TCOF1: variants seen among roughly 807,000 people sequenced by gnomAD.
The protein encoded by TCOF1 is treacle ribosome biogenesis factor 1.
A neutral mutation model predicts 149.0 loss-of-function variants in TCOF1; 33 were observed. The ratio of observed to expected loss-of-function variants is 0.22; its 90% CI spans 0.17 to 0.30. The LOEUF is 0.30. Ranked by LOEUF, TCOF1 falls within the 10% of genes least tolerant of loss-of-function variation. The pLI is 1.00. For synonymous variants in TCOF1, 789 were observed against 738.8 expected, an observed-to-expected ratio of 1.07 and a Z score of -1.10; for missense variants, 1,728 against 1,840.7, an observed-to-expected ratio of 0.94 and a Z score of 1.12.
At chr5:150,363,125 T>C (rs185779839) in intron 2 of TCOF1, among the ~76,000 whole-genome samples, 9 of 152,308 alleles carry the variant, frequency 5.9e-5, no homozygotes, top group African/African-American at 9.6e-5. Context: ...TGCACCCGCC[T>C]CAGTATTTAT....
chr5:150,384,536 G>C, intron 17 of TCOF1: 1 of 985,484 alleles, frequency 1.0e-6, no homozygotes, highest in Non-Finnish European at 1.2e-6. Context: ...GAGGCCACCT[G>C]CCTCTCTGAG....
rs750197757 is a variant in TCOF1 at position 150,375,908 on chromosome 5, A to G, written c.1892A>G (p.Gln631Arg). 9 of 1,613,952 alleles carry G rather than the reference A, an allele frequency of 5.6e-6. No homozygotes were observed. The highest frequency in any genetic ancestry group is 6.8e-6 in the Non-Finnish European group (8 of 1,179,788). Residue 631 changes from glutamine to arginine, a missense_variant and splice_region_variant, in exon 12 of 27, where the codon CAG becomes CGG. By Grantham distance (43) the Gln-to-Arg change is conservative. Transcript: ENST00000643257. ...GCACCAGCAGCCATGACTGCAGCTC[A>G]GGTGAGGCCTGGGGAAGGAGGCTGC... ...EEAPAAMTAA[Q>R]AKPALKIPQT...
intron 1 of TCOF1, among the ~76,000 whole-genome samples, chr5:150,360,732 CTTTTTT>C (rs869238792): frequency 2.4e-5 from 3 of 127,406 alleles, no homozygotes; most frequent in Admixed American, 1.6e-4. Flanking sequence ...AAAAGACCCT[CTTTTTT>C]TTTTTTTTTT....
intron 22 of TCOF1, 152 bp from the exon 23 acceptor site, chr5:150,393,220 C>A: frequency 1.2e-6 from 1 of 863,108 alleles, no homozygotes; most frequent in Non-Finnish European, 1.9e-6. Flanking sequence ...TGAAGTGCTG[C>A]TCTGTGCCTT....
At chr5:150,374,121 C>T (rs573840047) in intron 7 of TCOF1, 53 bp from the exon 8 acceptor site, 2 of 1,564,618 alleles carry the variant, frequency 1.3e-6, no homozygotes, top group East Asian at 4.7e-5. Flanking sequence ...CTAAAGGCAT[C>T]ACCAGAGAGT....
At chr5:150,359,331 G>A (rs61292422) in intron 1 of TCOF1, among the ~76,000 whole-genome samples, 2,942 of 151,660 alleles carry the variant, frequency 0.019, 102 homozygotes, top group African/African-American at 0.068. Flanking sequence ...TGGGTGACAA[G>A]GCGAGACTCC....
Position 150,375,840 on chromosome 5 carries a change from G to C in TCOF1, c.1824G>C (p.Ser608=), listed in dbSNP as rs761705007. The C allele has an allele frequency of 1.9e-6, 3 of 1,614,192 alleles. No individual in the cohort carries two copies. The highest frequency in any genetic ancestry group is 1.7e-6 in the Non-Finnish European group (2 of 1,180,040). ...QVKAEKPMDN[S]ESSEESSDSA... The stretch of plus-strand genomic sequence containing the variant: ...AGGCTGAAAAGCCCATGGACAACTC[G>C]GAGAGCAGCGAGGAGTCATCGGACA... The change falls in exon 12 of 27, where the codon TCG becomes TCC. Residue 608 remains serine, a synonymous_variant. Coordinates refer to ENST00000643257, the MANE Select transcript of TCOF1 (RefSeq NM_001371623.1).
chr5:150,393,096 T>C (rs1459016606), intron 22 of TCOF1: 1 of 589,882 alleles, frequency 1.7e-6, no homozygotes, highest in Non-Finnish European at 3.0e-6. Context: ...TTACTATCTG[T>C]ATGTGGCAAA....
chr5:150,362,771 A>T (rs1248619674), intron 2 of TCOF1, among the ~76,000 whole-genome samples: 2 of 152,116 alleles, frequency 1.3e-5, no homozygotes, highest in Non-Finnish European at 2.9e-5. Flanking sequence ...CCTCACCCTG[A>T]CTTGCCCAGG....
intron 1 of TCOF1, among the ~76,000 whole-genome samples, chr5:150,360,428 C>G (rs2150387453): frequency 6.6e-6 from 1 of 152,328 alleles, no homozygotes. Context: ...GTGGTCATGC[C>G]ACCTGGATGC....
intron 19 of TCOF1, among the ~76,000 whole-genome samples, chr5:150,390,796 C>T (rs943962652): frequency 6.6e-6 from 1 of 152,138 alleles, no homozygotes; most frequent in South Asian, 2.1e-4. Flanking sequence ...CCATGAGCAT[C>T]GGTTCCTGCC....
chr5:150,358,891 T>TA (rs1759323476), intron 1 of TCOF1, among the ~76,000 whole-genome samples: 1 of 151,502 alleles, frequency 6.6e-6, no homozygotes, highest in African/African-American at 2.4e-5. Context: ...AGCTGAGGTG[T>TA]AAATGCCTTG....
intron 2 of TCOF1, 150 bp from the exon 3 acceptor site, chr5:150,363,963 A>C (rs1760727782): frequency 9.1e-7 from 1 of 1,101,498 alleles, no homozygotes; most frequent in African/African-American, 1.6e-5. Context: ...GCAGAATACA[A>C]AATTGTGCCT....
chr5:150,392,509 A>G (rs2151045008), intron 21 of TCOF1, 196 bp from the exon 22 acceptor site: 1 of 626,924 alleles, frequency 1.6e-6, no homozygotes, highest in Non-Finnish European at 2.8e-6. Context: ...TTGGCATTCA[A>G]ATGTCGCACC....
intron 19 of TCOF1, among the ~76,000 whole-genome samples, chr5:150,391,229 CA>C (rs1233447018): frequency 6.6e-6 from 1 of 152,318 alleles, no homozygotes; most frequent in East Asian, 1.9e-4. Context: ...CCATGCCCAC[CA>C]CTCTCCCTGA....
At position 150,396,602 on chromosome 5, in the gene TCOF1, G is replaced by C. The variant is rs527245067; in HGVS notation, c.4105G>C (p.Gly1369Arg). ...CAGGAGCAAGAAGAAGAAGAAGCTG[G>C]GGGCCGGGGAAGGTGGGGAGGCCTC... is the stretch of plus-strand genomic sequence containing the variant. ...TPRSKKKKKLGAGEGGEASVS... is the reference protein window; with the variant it reads ...TPRSKKKKKLRAGEGGEASVS... The change falls in exon 24 of 27, where the codon GGG becomes CGG. Residue 1369 changes from glycine to arginine, a missense_variant. Gly to Arg is a moderately radical substitution (Grantham distance 125, BLOSUM62 -2). Coordinates refer to ENST00000643257, the MANE Select transcript of TCOF1 (RefSeq NM_001371623.1). The C allele has an allele frequency of 8.2e-6, 13 of 1,585,952 alleles. No homozygotes were observed. The African/African-American group carries it at 1.7e-4, about 21-fold the overall frequency.
chr5:150,362,232 T>G (rs546333296), intron 2 of TCOF1, among the ~76,000 whole-genome samples: 2 of 152,282 alleles, frequency 1.3e-5, no homozygotes, highest in African/African-American at 2.4e-5. Context: ...TTTAAACATG[T>G]AAAATTTATG....
intron 3 of TCOF1, 49 bp from the exon 4 acceptor site, chr5:150,367,795 G>A (rs1390288248): frequency 1.9e-6 from 3 of 1,606,254 alleles, no homozygotes; most frequent in Non-Finnish European, 1.7e-6. Context: ...GCCATTCATA[G>A]ATGAGAAAAG....
chr5:150,374,627 C>T lies in TCOF1; in HGVS notation c.1094C>T (p.Ser365Leu), dbSNP rs1329807099. 1.2e-6 allele frequency: 2 copies of T among 1,613,092 alleles called. No individual in the cohort carries two copies. Among genetic ancestry groups the T allele is most frequent in the South Asian group, 1.1e-5 (1 of 91,024 alleles). The change falls in exon 9 of 27, where the codon TCA becomes TTA. Residue 365 changes from serine (S) to leucine (L), a missense_variant. By Grantham distance (145) the Ser-to-Leu change is moderately radical. Coordinates refer to ENST00000643257, the MANE Select transcript of TCOF1 (RefSeq NM_001371623.1). ...AAKALLQAKA[S>L]GKTSQVGAAS... The stretch of plus-strand genomic sequence containing the variant: ...GTCTTGTTTCTCCAGGCGAAGGCCT[C>T]AGGAAAAACCTCTCAGGTCGGAGCT...
Sources: allele counts gnomAD v4.1 joint callset (sites outside exome capture counted in the v4.1 genomes callset), GRCh38; gene constraint gnomAD v4.1.1; transcripts MANE v1.5; gene names NCBI Gene and HGNC (gene_info 2026-07-23, HGNC 2026-07-21).